Variants in HIP1R observed in about 807,000 individuals in gnomAD.
The protein encoded by HIP1R is huntingtin interacting protein 1 related.
In HIP1R, 135 loss-of-function variants were observed where a neutral mutation model predicts 144.2. That is an observed-to-expected ratio of 0.94 (90% CI 0.81 to 1.08). The LOEUF (loss-of-function observed/expected upper bound fraction) is 1.08, where lower values mean the gene tolerates loss of function less well. HIP1R is among the 50% of genes least tolerant of loss of function. The pLI, the probability that HIP1R is intolerant of heterozygous loss-of-function variation, is 0.00. For synonymous variants in HIP1R, 698 were observed against 612.8 expected (o/e 1.14, Z -2.05); for missense variants, 1,462 against 1,432.8 (o/e 1.02, Z -0.33).
In HIP1R at chr12:122,861,165, G is replaced by A. The variant is rs2033758579; in HGVS notation, c.2925G>A (p.Lys975=). Residue 975 remains lysine, a synonymous_variant, in exon 30 of 32, where the codon AAG becomes AAA. Coordinates refer to ENST00000253083, the MANE Select transcript of HIP1R (RefSeq NM_003959.3). ...ATTTCTCCGGCCTGTCCCTCATCAA[G>A]CTGAAGAAGCAGGAGATGGAGACCC... ...TMDFSGLSLI[K]LKKQEMETQV... 2 of 1,612,038 alleles carry A rather than the reference G, an allele frequency of 1.2e-6. No homozygotes were observed. The highest frequency in any genetic ancestry group is 1.7e-6 in the Non-Finnish European group (2 of 1,179,768).
Position 122,856,172 on chromosome 12 carries a change from G to A in HIP1R, c.1312+9G>A, listed in dbSNP as rs2033568777. On this transcript the variant is annotated intron_variant, in intron 14 of 31. Coordinates refer to ENST00000253083, the MANE Select transcript of HIP1R (RefSeq NM_003959.3). ...GCGTGAGGAGGCTGAGAGTACGTGG[G>A]GCCTTGGCCACAGGGGTCCAAGGGT... The A allele has an allele frequency of 1.2e-6, 2 of 1,608,010 alleles. No individual in the cohort carries two copies. Among genetic ancestry groups the A allele is most frequent in the Non-Finnish European group, 1.7e-6 (2 of 1,177,588 alleles).
At chr12:122,860,342 G>A in intron 26 of HIP1R, 81 bp from the exon 27 acceptor site, 1 of 1,562,466 alleles carries the variant, frequency 6.4e-7, no homozygotes, top group Non-Finnish European at 8.8e-7. Flanking sequence ...CAGAGTGAGG[G>A]GGAGAGGGCC....
chr12:122,844,634 G>T (rs2033157727), intron 1 of HIP1R, among the ~76,000 whole-genome samples: 1 of 152,242 alleles, frequency 6.6e-6, no homozygotes, highest in Admixed American at 6.5e-5. Context: ...TGTGTGTGAG[G>T]CCCCTGCCTC....
chr12:122,850,916 G>A lies in HIP1R; in HGVS notation c.515+5G>A. On this transcript the variant is annotated splice_donor_5th_base_variant and intron_variant, in intron 6 of 31. Transcript: ENST00000253083. ...TGGGACCGATGTCAACAACATGTGA[G>A]TCACTCTGCATGGCTACATAGCCAG... The A allele has an allele frequency of 2.5e-6, 4 of 1,609,562 alleles. No homozygotes were observed. The highest frequency in any genetic ancestry group is 3.4e-6 in the Non-Finnish European group (4 of 1,177,920).
At chr12:122,848,999 T>C (rs1472983550) in intron 4 of HIP1R, 147 bp downstream of exon 4, 3 of 794,224 alleles carry the variant, frequency 3.8e-6, no homozygotes, top group Admixed American at 2.2e-5. Flanking sequence ...CACGGGGAGA[T>C]GCTGCCTGCC....
At chr12:122,846,841 C>T (rs1158757747) in intron 1 of HIP1R, among the ~76,000 whole-genome samples, 4 of 152,252 alleles carry the variant, frequency 2.6e-5, no homozygotes, top group South Asian at 2.1e-4. Flanking sequence ...CCCAGCTTCC[C>T]GGGCTGGCTT....
intron 27 of HIP1R, 55 bp from the exon 28 acceptor site, chr12:122,860,624 T>A: frequency 1.3e-6 from 2 of 1,570,788 alleles, no homozygotes; most frequent in Non-Finnish European, 1.8e-6. Context: ...TGTGGAGTGG[T>A]GCCAGCCGTC....
chr12:122,855,958 C>T, intron 13 of HIP1R, 22 bp from the exon 14 acceptor site: 2 of 1,574,034 alleles, frequency 1.3e-6, no homozygotes, highest in Non-Finnish European at 8.6e-7. Context: ...GGCAGGGCCC[C>T]ACGTCACACC....
At chr12:122,856,389 CG>C in intron 15 of HIP1R, 42 bp from the exon 16 acceptor site, 1 of 1,609,746 alleles carries the variant, frequency 6.2e-7, no homozygotes, top group Non-Finnish European at 8.5e-7. Context: ...CAGGGCCTCT[CG>C]GGGATGGCAG....
Position 122,860,074 on chromosome 12 carries a change from G to A in HIP1R, c.2493G>A (p.Met831Ile). The change falls in exon 25 of 32, where the codon ATG becomes ATA. Residue 831 changes from methionine (M) to isoleucine (I), a missense_variant. By Grantham distance (10) the Met-to-Ile change is conservative. This residue lies in a region of HIP1R where 1,112 missense variants were observed against 1,011.7 expected (regional missense o/e 1.10). Coordinates refer to ENST00000253083, the MANE Select transcript of HIP1R (RefSeq NM_003959.3). ...TCCTCAACTCCTGCACAGACCTGAT[G>A]AAGGTGAGGGGCTGTGACCCGGGGG... The part of the protein sequence containing the change: ...ERILNSCTDL[M>I]KAIRLLVTTS... The A allele has an allele frequency of 1.9e-6, 3 of 1,574,532 alleles. No individual in the cohort carries two copies. Among genetic ancestry groups the A allele is most frequent in the Non-Finnish European group, 2.6e-6 (3 of 1,160,686 alleles).
Position 122,856,321 on chromosome 12 carries a change from G to A in HIP1R, c.1378G>A (p.Val460Met), listed in dbSNP as rs2135669948. 6.2e-7 allele frequency: 1 copy of A among 1,613,882 alleles called. No homozygotes were observed. The highest frequency in any genetic ancestry group is 8.5e-7 in the Non-Finnish European group (1 of 1,179,994). The change falls in exon 15 of 32, where the codon GTG becomes ATG. Residue 460 changes from valine (V) to methionine (M), a missense_variant. Val to Met is a conservative substitution (Grantham distance 21, BLOSUM62 1). Coordinates refer to ENST00000253083, the MANE Select transcript of HIP1R (RefSeq NM_003959.3). ...GGAAAAGCACAGTGAGCTCGTCCATGTGCACGCGGAGCTGCTCAGAAAGGT... is the reference window on the plus strand; with the variant it reads ...GGAAAAGCACAGTGAGCTCGTCCATATGCACGCGGAGCTGCTCAGAAAGGT... Reference protein sequence around the residue: ...LKEKHSELVHVHAELLRKNAD... With the variant: ...LKEKHSELVHMHAELLRKNAD...
chr12:122,856,861 G>A, intron 17 of HIP1R, 135 bp downstream of exon 17: 1 of 1,022,496 alleles, frequency 9.8e-7, no homozygotes, highest in South Asian at 1.5e-5. Flanking sequence ...CCCAGACCCA[G>A]GGGCTACATG....
chr12:122,859,731 CCCT>C (rs2033706409), intron 23 of HIP1R, 38 bp from the exon 24 acceptor site: 1 of 1,603,760 alleles, frequency 6.2e-7, no homozygotes, highest in South Asian at 1.1e-5. Flanking sequence ...GACCACGGTC[CCCT>C]CCTCCCAGCC....
Position 122,859,498 on chromosome 12 carries a change from A to C in HIP1R, c.2368A>C (p.Thr790Pro). The change falls in exon 23 of 32, where the codon ACA becomes CCA. Residue 790 changes from threonine to proline, a missense_variant. By Grantham distance (38) the Thr-to-Pro change is conservative. Around this residue, in one of 2 missense-constraint regions of HIP1R, gnomAD observed 1,112 missense variants for 1,011.7 expected, o/e 1.10. Transcript: ENST00000253083. ...CGTGGTCGACAAGGAGATGGCGGCC[A>C]CATCCGCAGCCATTGAAGATGCTGT... ...GAVVDKEMAA[T>P]SAAIEDAVRR... is the part of the protein sequence containing the mutation. The C allele has an allele frequency of 6.2e-7, 1 of 1,613,390 alleles. No individual in the cohort carries two copies. The highest frequency in any genetic ancestry group is 8.5e-7 in the Non-Finnish European group (1 of 1,179,890).
rs751363986 is a variant in HIP1R, at chr12:122,858,244, C to G, written c.1958C>G (p.Ser653Cys). 4.6e-5 allele frequency: 73 copies of G among 1,590,234 alleles called. No individual in the cohort carries two copies. The highest frequency in any genetic ancestry group is 6.2e-5 in the Non-Finnish European group (72 of 1,164,204). ...DDPLHLRCTS[S>C]PDYLVSRAQE... Reference sequence around the variant, plus strand: ...CCCCTGCACCTGCGCTGTACCAGCTCCCCAGGTAGACAGTGGGGCCACACT... The same window carrying G: ...CCCCTGCACCTGCGCTGTACCAGCTGCCCAGGTAGACAGTGGGGCCACACT... Residue 653 changes from serine (S) to cysteine (C), a missense_variant, in exon 19 of 32, where the codon TCC becomes TGC. By Grantham distance (112) the Ser-to-Cys change is moderately radical. This residue lies in a region of HIP1R where 1,112 missense variants were observed against 1,011.7 expected (regional missense o/e 1.10). Transcript: ENST00000253083.
chr12:122,859,820 G>T lies in HIP1R; in HGVS notation c.2455G>T (p.Val819Leu), dbSNP rs200921957. The change falls in exon 24 of 32, where the codon GTG becomes TTG. Residue 819 changes from valine (V) to leucine (L), a missense_variant. Val to Leu is a conservative substitution (Grantham distance 32, BLOSUM62 1). Coordinates refer to ENST00000253083, the MANE Select transcript of HIP1R (RefSeq NM_003959.3). ...CGCCAGCTCGGGGGTGAAGCTGGAG[G>T]TGAACGAGAGGTGAGCCCCCCTTCT... ...RHASSGVKLEVNERILNSCTD... is the reference protein window; with the variant it reads ...RHASSGVKLELNERILNSCTD... 62 of 1,612,694 alleles carry T rather than the reference G, an allele frequency of 3.8e-5. No individual in the cohort carries two copies. The highest frequency in any genetic ancestry group is 5.3e-5 in the Non-Finnish European group (62 of 1,179,748).
At position 122,860,218 on chromosome 12, in the gene HIP1R, G is replaced by A. The variant is rs1382050426; in HGVS notation, c.2559+8G>A. 1.9e-6 allele frequency: 3 copies of A among 1,549,724 alleles called. No individual in the cohort carries two copies. Among genetic ancestry groups the A allele is most frequent in the Non-Finnish European group, 2.6e-6 (3 of 1,149,520 alleles). Reference sequence around the variant, plus strand: ...ATCGTGGAGAGCGGCAGGGTGAGGGGCCGGCGGCAGCAGGGCACAGTCCAC... The same window carrying A: ...ATCGTGGAGAGCGGCAGGGTGAGGGACCGGCGGCAGCAGGGCACAGTCCAC... On this transcript the variant is annotated splice_region_variant and intron_variant, in intron 26 of 31. Coordinates refer to ENST00000253083, the MANE Select transcript of HIP1R (RefSeq NM_003959.3).
chr12:122,854,508 G>T (rs779901956), intron 8 of HIP1R, among the ~76,000 whole-genome samples: 1 of 152,194 alleles, frequency 6.6e-6, no homozygotes, highest in Non-Finnish European at 1.5e-5. Context: ...AAGGCAAAAG[G>T]TGTCTGGGGT....
chr12:122,844,003 C>G (rs1433831194), intron 1 of HIP1R, among the ~76,000 whole-genome samples: 1 of 152,068 alleles, frequency 6.6e-6, no homozygotes, highest in East Asian at 1.9e-4. Context: ...ACCACCATGC[C>G]CGGCTAATTT....
Sources: gnomAD v4.1 joint callset for allele counts (sites outside exome capture counted in the v4.1 genomes callset) on GRCh38, gnomAD v4.1.1 for gene constraint, gnomAD v4.1.1 regional missense constraint, MANE v1.5 for transcripts, NCBI Gene and HGNC (gene_info 2026-07-23, HGNC 2026-07-21) for gene names.